Variants in CNTN4 observed in about 807,000 individuals in gnomAD.
The protein encoded by CNTN4 is contactin 4, also known as contactin-4.
A neutral mutation model predicts 122.5 loss-of-function variants in CNTN4; 77 were observed. That is an observed-to-expected ratio of 0.63 (90% CI 0.52 to 0.76). CNTN4 has a LOEUF of 0.76. Among genes scored for constraint, CNTN4 ranks in the 30% least tolerant of loss-of-function variants. The probability of loss-of-function intolerance (pLI) is 0.00; values close to 1 mark genes in which losing one functional copy is unlikely to be tolerated. For synonymous variants in CNTN4, 512 were observed against 447.0 expected (o/e 1.15, Z -1.83); for missense variants, 1,256 against 1,259.1 (o/e 1.00, Z 0.04).
chr3:2,376,236 C>A (rs1041509963), intron 3 of CNTN4, among the ~76,000 whole-genome samples: 1 of 152,186 alleles, frequency 6.6e-6, no homozygotes, highest in African/African-American at 2.4e-5. Context: ...TGCTGCACTT[C>A]TCCTTTAACA....
chr3:2,947,534 T>C (rs1220640101), intron 13 of CNTN4, among the ~76,000 whole-genome samples: 1 of 152,250 alleles, frequency 6.6e-6, no homozygotes, highest in East Asian at 1.9e-4. Context: ...CAGTGTTCTT[T>C]TTATTTTACC....
chr3:2,912,726 T>G (rs2151240866), intron 12 of CNTN4, among the ~76,000 whole-genome samples: 1 of 152,362 alleles, frequency 6.6e-6, no homozygotes, highest in East Asian at 1.9e-4. Flanking sequence ...GTTAAATTGT[T>G]GCCAGCTTGA....
At chr3:2,281,916 G>T (rs2041729710) in intron 2 of CNTN4, among the ~76,000 whole-genome samples, 1 of 152,026 alleles carries the variant, frequency 6.6e-6, no homozygotes, top group Non-Finnish European at 1.5e-5. Flanking sequence ...CAAAAACAAA[G>T]ATTTTTATGT....
intron 2 of CNTN4, among the ~76,000 whole-genome samples, chr3:2,300,203 T>C (rs1258649358): frequency 6.6e-6 from 1 of 152,206 alleles, no homozygotes; most frequent in Non-Finnish European, 1.5e-5. Context: ...ACAGAGTGAA[T>C]TGAATAACTT....
intron 2 of CNTN4, among the ~76,000 whole-genome samples, chr3:2,166,072 G>A (rs1243657668): frequency 6.6e-6 from 1 of 152,212 alleles, no homozygotes; most frequent in East Asian, 1.9e-4. Flanking sequence ...ATACCCAGAA[G>A]TGGAATTGCT....
intron 6 of CNTN4, among the ~76,000 whole-genome samples, chr3:2,747,735 A>G (rs1166647473): frequency 6.6e-6 from 1 of 152,244 alleles, no homozygotes; most frequent in Non-Finnish European, 1.5e-5. Context: ...TGATGTAGGC[A>G]TTCCTCCCAC....
intron 3 of CNTN4, among the ~76,000 whole-genome samples, chr3:2,519,682 C>A (rs1376840090): frequency 6.6e-6 from 1 of 152,142 alleles, no homozygotes; most frequent in Admixed American, 6.5e-5. Flanking sequence ...CATCAGGGTT[C>A]CTCCTAAGTG....
chr3:2,576,026 G>A (rs2616584), intron 4 of CNTN4, among the ~76,000 whole-genome samples: 150,609 of 151,856 alleles, frequency 0.99, 74,691 homozygotes, highest in Middle Eastern at 1. Flanking sequence ...TAGTAGAGAC[G>A]GGGTTTCACC....
intron 4 of CNTN4, among the ~76,000 whole-genome samples, chr3:2,674,989 T>C (rs541527143): frequency 6.6e-5 from 10 of 152,288 alleles, no homozygotes; most frequent in African/African-American, 1.9e-4. Flanking sequence ...GGTATTTATC[T>C]TTCAAATATT....
chr3:2,761,891 A>G (rs1321982903), intron 6 of CNTN4, among the ~76,000 whole-genome samples: 1 of 152,188 alleles, frequency 6.6e-6, no homozygotes, highest in Non-Finnish European at 1.5e-5. Flanking sequence ...TGAATAATCA[A>G]GTACCTTTGG....
rs1387245986 is a variant in CNTN4, at chr3:2,392,237, G to C, written c.-89+53004G>C. Among the ~76,000 whole-genome samples the C allele has an allele frequency of 2.6e-5, 4 of 152,294 alleles. No homozygotes were observed. In the East Asian group the frequency reaches 7.7e-4, roughly 29 times the overall value. ...CTTTCACGTCATCCCCTGTGAGGCT[G>C]TCTCTTCAGGAAGTCTATAATCAGC... On this transcript the variant is annotated intron_variant, in intron 3 of 24. Transcript: ENST00000418658.
intron 3 of CNTN4, among the ~76,000 whole-genome samples, chr3:2,502,616 A>T (rs1188512673): frequency 6.6e-6 from 1 of 152,118 alleles, no homozygotes; most frequent in East Asian, 1.9e-4. Context: ...ACAGGTGTTC[A>T]CACATAATTT....
rs535742986 is a variant in CNTN4 at position 2,359,064 on chromosome 3, C to T, written c.-89+19831C>T. Among the ~76,000 whole-genome samples, 4 of 152,222 alleles carry T rather than the reference C, an allele frequency of 2.6e-5. No homozygotes were observed. In the South Asian group the frequency reaches 8.3e-4, roughly 32 times the overall value. ...ATCATTCTGAGCCTTTTCGCCTCAT[C>T]CAAGTAAAACAATTGTCTTCTCCAA... On this transcript the variant is annotated intron_variant, in intron 3 of 24. Transcript: ENST00000418658.
At chr3:2,270,186 T>G (rs1404597238) in intron 2 of CNTN4, among the ~76,000 whole-genome samples, 1 of 38,292 alleles carries the variant, frequency 2.6e-5, no homozygotes, top group Non-Finnish European at 7.3e-5. Flanking sequence ...CCTGACCTCA[T>G]GATCCACCCG....
chr3:2,952,030 A>G (rs1023279421), intron 13 of CNTN4, among the ~76,000 whole-genome samples: 1 of 152,218 alleles, frequency 6.6e-6, no homozygotes, highest in Non-Finnish European at 1.5e-5. Flanking sequence ...AAGTCAGTAA[A>G]CACAGAGAGG....
At chr3:2,574,151 G>A (rs1022103849) in intron 4 of CNTN4, among the ~76,000 whole-genome samples, 1 of 152,194 alleles carries the variant, frequency 6.6e-6, no homozygotes, top group Admixed American at 6.5e-5. Flanking sequence ...GGGAGGCGGA[G>A]GTTGCGGTGA....
intron 10 of CNTN4, among the ~76,000 whole-genome samples, chr3:2,893,077 G>A (rs1041348460): frequency 6.6e-6 from 1 of 152,130 alleles, no homozygotes; most frequent in African/African-American, 2.4e-5. Flanking sequence ...ACATCTGGAT[G>A]AACAACTGAC....
At chr3:2,393,533 A>G (rs1277058734) in intron 3 of CNTN4, among the ~76,000 whole-genome samples, 3 of 152,186 alleles carry the variant, frequency 2.0e-5, no homozygotes, top group African/African-American at 4.8e-5. Context: ...AATATTATGT[A>G]TCTTTATTCT....
chr3:2,786,122 C>G (rs894611598), intron 6 of CNTN4, among the ~76,000 whole-genome samples: 6 of 152,104 alleles, frequency 3.9e-5, no homozygotes, highest in African/African-American at 1.4e-4. Context: ...CCTTTCCAGC[C>G]CCCGCTTCCT....
Sources: gnomAD v4.1 joint callset for allele counts (sites outside exome capture counted in the v4.1 genomes callset) on GRCh38, gnomAD v4.1.1 for gene constraint, MANE v1.5 for transcripts, NCBI Gene and HGNC (gene_info 2026-07-23, HGNC 2026-07-21) for gene names.